Variants in GABRA3 observed in about 807,000 individuals in gnomAD.
GABRA3 encodes the protein gamma-aminobutyric acid type A receptor subunit alpha3.
GABRA3 carries 10 observed loss-of-function variants against 30.1 expected under a neutral mutation model. The ratio of observed to expected loss-of-function variants is 0.33; its 90% CI spans 0.20 to 0.56. The LOEUF (loss-of-function observed/expected upper bound fraction) is 0.56. Ranked by LOEUF, GABRA3 falls within the 20% of genes least tolerant of loss-of-function variation. GABRA3 has a pLI of 0.89. For missense variants in GABRA3, 233 were observed against 392.0 expected, an observed-to-expected ratio of 0.59 and a Z score of 3.42; for synonymous variants, 151 against 146.8, an observed-to-expected ratio of 1.03 and a Z score of -0.21.
intron 1 of GABRA3, among the ~76,000 whole-genome samples, chrX:152,387,777 A>T (rs1279123473): frequency 9.0e-6 from 1 of 111,715 alleles, no homozygotes; most frequent in Non-Finnish European, 1.9e-5. Context: ...TTTTTAAAAA[A>T]ATGCTAAACA....
At chrX:152,207,341 G>C (rs969160095) in intron 7 of GABRA3, among the ~76,000 whole-genome samples, 1 of 111,896 alleles carries the variant, frequency 8.9e-6, no homozygotes, top group African/African-American at 3.3e-5. Flanking sequence ...AACATTCTAA[G>C]GTTAGTTGAG....
intron 1 of GABRA3, among the ~76,000 whole-genome samples, chrX:152,423,762 C>T (rs1930438617): frequency 9.0e-6 from 1 of 111,004 alleles, no homozygotes; most frequent in Non-Finnish European, 1.9e-5. Flanking sequence ...GTAATTAAAA[C>T]ATCAAAGAAA....
At position 152,301,417 on chromosome X, in the gene GABRA3, G is replaced by C. The variant is rs140859899; in HGVS notation, c.263-16682C>G. Among the ~76,000 whole-genome samples, 869 of 112,097 alleles carry C rather than the reference G, an allele frequency of 7.8e-3. 13 individuals carry two copies. The highest frequency in any genetic ancestry group is 0.027 in the African/African-American group (831 of 30,942). On this transcript the variant is annotated intron_variant, in intron 3 of 9. Transcript: ENST00000370314. ...TGTCATGGGGAAATTAGATAATCAGGAATTAAGGAAATACAACAGAAATGG... is the reference window on the plus strand; with the variant it reads ...TGTCATGGGGAAATTAGATAATCAGCAATTAAGGAAATACAACAGAAATGG...
chrX:152,236,227 G>T (rs1207659286), intron 5 of GABRA3, among the ~76,000 whole-genome samples: 1 of 100,981 alleles, frequency 9.9e-6, no homozygotes, highest in Non-Finnish European at 2.0e-5. Context: ...TCCCACATAT[G>T]AGTGAGAATA....
rs34355005 is a variant in GABRA3 at position 152,383,973 on chromosome X, CAA to C, written c.-26-19379_-26-19378del. ...GTGGAAAACCCTACAGACTCCACCA[CAA>C]AAAAAAAAAAAAAAAGAAAAACCTA... On this transcript the variant is annotated intron_variant, in intron 1 of 9. Coordinates refer to ENST00000370314, the MANE Select transcript of GABRA3 (RefSeq NM_000808.4). Among the ~76,000 whole-genome samples the C allele has an allele frequency of 9.9e-3, 727 of 73,159 alleles. 2 individuals are homozygous for C. The highest frequency in any genetic ancestry group is 0.019 in the African/African-American group (366 of 18,831). 63.5% of individuals were successfully genotyped at this position (73,159 alleles called of 115,157 possible).
chrX:152,359,284 AG>A (rs1244631313), intron 2 of GABRA3, among the ~76,000 whole-genome samples: 1 of 110,979 alleles, frequency 9.0e-6, no homozygotes, highest in East Asian at 2.8e-4. Context: ...GTTCAGTCTT[AG>A]GAAGTCGCAA....
chrX:152,437,837 A>G (rs1930815691), intron 1 of GABRA3, among the ~76,000 whole-genome samples: 1 of 112,307 alleles, frequency 8.9e-6, no homozygotes, highest in African/African-American at 3.2e-5. Context: ...ATCTTGACAA[A>G]GACCTTACAT....
chrX:152,228,841 T>C (rs761974393), intron 5 of GABRA3, among the ~76,000 whole-genome samples: 12 of 111,180 alleles, frequency 1.1e-4, no homozygotes, highest in Admixed American at 3.8e-4. Context: ...CCCCTTCCCT[T>C]ACATAATCCA....
At chrX:152,171,630 T>C (rs1042716423) in intron 9 of GABRA3, among the ~76,000 whole-genome samples, 2 of 111,534 alleles carry the variant, frequency 1.8e-5, no homozygotes, top group African/African-American at 6.5e-5. Context: ...CTTAGGCAAA[T>C]GATGGATGTT....
intron 4 of GABRA3, among the ~76,000 whole-genome samples, chrX:152,264,925 G>A (rs1326616583): frequency 9.0e-6 from 1 of 111,412 alleles, no homozygotes; most frequent in African/African-American, 3.3e-5. Flanking sequence ...ATGATAAAGG[G>A]TTCAATTCAG....
At chrX:152,264,613 A>C (rs1017412679) in intron 4 of GABRA3, among the ~76,000 whole-genome samples, 1 of 111,543 alleles carries the variant, frequency 9.0e-6, no homozygotes, top group Non-Finnish European at 1.9e-5. Context: ...TAGAAAACAA[A>C]TAACAAAATG....
chrX:152,332,698 G>T (rs980408583), intron 3 of GABRA3, among the ~76,000 whole-genome samples: 22 of 111,978 alleles, frequency 2.0e-4, no homozygotes, highest in Non-Finnish European at 3.6e-4. Context: ...CTGCCTGCCT[G>T]TAAAAGCCCT....
Position 152,166,248 on chromosome X carries a change from G to C in GABRA3, c.*1980C>G. On this transcript the variant is annotated 3_prime_UTR_variant, in exon 10 of 10. Transcript: ENST00000370314. Reference sequence around the variant, plus strand: ...TGCAGACCAAGTACAATTCAGAAAGGGTTTAATAAACAGCAGCTAAACATT... The same window carrying C: ...TGCAGACCAAGTACAATTCAGAAAGCGTTTAATAAACAGCAGCTAAACATT... 9.0e-6 allele frequency: 1 copy of C among 111,372 alleles called. No homozygotes were observed. The highest frequency in any genetic ancestry group is 1.9e-5 in the Non-Finnish European group (1 of 53,083). 9.2% of individuals were successfully genotyped at this position (111,372 alleles called of 1,213,427 possible).
At chrX:152,319,229 C>G (rs150551381) in intron 3 of GABRA3, among the ~76,000 whole-genome samples, 1 of 111,035 alleles carries the variant, frequency 9.0e-6, no homozygotes, top group Admixed American at 9.6e-5. Context: ...AAAAGCAATC[C>G]TAAAATTCAT....
chrX:152,229,968 C>A (rs1241761679), intron 5 of GABRA3, among the ~76,000 whole-genome samples: 5 of 107,327 alleles, frequency 4.7e-5, no homozygotes, highest in Non-Finnish European at 9.6e-5. Context: ...CTTACTAAAA[C>A]CCTCATCTAG....
intron 3 of GABRA3, among the ~76,000 whole-genome samples, chrX:152,344,348 C>T (rs1005398099): frequency 2.4e-4 from 27 of 110,987 alleles, no homozygotes; most frequent in African/African-American, 8.5e-4. Flanking sequence ...TGTAATCCAC[C>T]GAATAAAGCA....
At chrX:152,306,433 G>A (rs2124456949) in intron 3 of GABRA3, among the ~76,000 whole-genome samples, 1 of 112,126 alleles carries the variant, frequency 8.9e-6, no homozygotes, top group East Asian at 2.8e-4. Context: ...CAATATAATA[G>A]GTATCTTTGT....
intron 5 of GABRA3, among the ~76,000 whole-genome samples, chrX:152,246,501 A>C (rs1366324522): frequency 9.0e-6 from 1 of 111,478 alleles, no homozygotes; most frequent in Non-Finnish European, 1.9e-5. Context: ...GAATCCTGTA[A>C]TTTTTAGCAC....
intron 1 of GABRA3, among the ~76,000 whole-genome samples, chrX:152,384,787 A>C (rs1324951622): frequency 3.6e-5 from 4 of 112,257 alleles, no homozygotes; most frequent in Non-Finnish European, 7.5e-5. Context: ...TGTTCATTAA[A>C]AGATGCAAGA....
Sources: gnomAD v4.1 joint callset for allele counts (sites outside exome capture counted in the v4.1 genomes callset) on GRCh38, gnomAD v4.1.1 for gene constraint, MANE v1.5 for transcripts, NCBI Gene and HGNC (gene_info 2026-07-23, HGNC 2026-07-21) for gene names.